The following TIMP3 variants were observed in gnomAD, a reference collection of about 807,000 sequenced individuals.
The protein encoded by TIMP3 is TIMP metallopeptidase inhibitor 3, also known as metalloproteinase inhibitor 3.
A neutral mutation model predicts 30.0 loss-of-function variants in TIMP3; 11 were observed. That is an observed-to-expected ratio of 0.37 (90% CI 0.23 to 0.61). The LOEUF (loss-of-function observed/expected upper bound fraction) is 0.61. TIMP3 is among the 20% of genes least tolerant of loss of function. TIMP3 has a pLI of 0.70. For missense variants in TIMP3, 181 were observed against 276.8 expected, an observed-to-expected ratio of 0.65 and a Z score of 2.45; for synonymous variants, 112 against 111.3, an observed-to-expected ratio of 1.01 and a Z score of -0.04.
intron 1 of TIMP3, among the ~76,000 whole-genome samples, chr22:32,811,033 T>A (rs1318519063): frequency 6.6e-6 from 1 of 152,158 alleles, no homozygotes. Flanking sequence ...AGTGAAATAC[T>A]TCATGGAATG....
intron 1 of TIMP3, among the ~76,000 whole-genome samples, chr22:32,819,694 T>C (rs1274791077): frequency 1.3e-5 from 2 of 152,034 alleles, no homozygotes; most frequent in Non-Finnish European, 2.9e-5. Context: ...GTAAGCACAC[T>C]CTAGGGGCCG....
intron 3 of TIMP3, 44 bp downstream of exon 3, chr22:32,857,404 C>T: frequency 3.4e-6 from 5 of 1,457,624 alleles, no homozygotes; most frequent in Non-Finnish European, 3.9e-6. Flanking sequence ...TGGCCAAGGT[C>T]CACTGTTTCT....
chr22:32,846,516 G>A (rs1388880800), intron 1 of TIMP3, among the ~76,000 whole-genome samples: 2 of 152,166 alleles, frequency 1.3e-5, no homozygotes, highest in Admixed American at 6.5e-5. Flanking sequence ...ACTACATACT[G>A]TTCTCAGCGC....
At chr22:32,812,005 G>A (rs912325838) in intron 1 of TIMP3, among the ~76,000 whole-genome samples, 1 of 152,204 alleles carries the variant, frequency 6.6e-6, no homozygotes, top group African/African-American at 2.4e-5. Flanking sequence ...TGGCATGGAG[G>A]AGGAGCACTG....
chr22:32,842,721 G>A (rs2047947657), intron 1 of TIMP3, among the ~76,000 whole-genome samples: 1 of 152,150 alleles, frequency 6.6e-6, no homozygotes, highest in African/African-American at 2.4e-5. Flanking sequence ...TGGTTTTGTG[G>A]TTTCTAAGTT....
chr22:32,832,443 T>G (rs1307733821), intron 1 of TIMP3, among the ~76,000 whole-genome samples: 1 of 151,452 alleles, frequency 6.6e-6, no homozygotes, highest in African/African-American at 2.4e-5. Flanking sequence ...CAAACTCACA[T>G]AGAAAATGAA....
At chr22:32,824,611 G>A (rs1418635802) in intron 1 of TIMP3, among the ~76,000 whole-genome samples, 9 of 152,142 alleles carry the variant, frequency 5.9e-5, no homozygotes, top group African/African-American at 1.7e-4. Context: ...ACTCAGGCTG[G>A]TTAGAGGCAT....
intron 1 of TIMP3, among the ~76,000 whole-genome samples, chr22:32,840,408 T>A (rs1240690059): frequency 6.6e-6 from 1 of 152,186 alleles, no homozygotes; most frequent in Non-Finnish European, 1.5e-5. Flanking sequence ...AGAAGGGCCC[T>A]GGGGGACCAG....
chr22:32,807,345 A>G (rs2046773239), intron 1 of TIMP3, among the ~76,000 whole-genome samples: 1 of 5,710 alleles, frequency 1.8e-4, no homozygotes, highest in Admixed American at 3.9e-3. Flanking sequence ...TATATAATAT[A>G]TAAATATATA....
At chr22:32,858,289 G>A in intron 4 of TIMP3, 151 bp downstream of exon 4, 1 of 1,134,434 alleles carries the variant, frequency 8.8e-7, no homozygotes, top group South Asian at 1.6e-5. Context: ...AGCAGATATA[G>A]TAAGGATTGT....
At chr22:32,824,509 A>G (rs1027474142) in intron 1 of TIMP3, among the ~76,000 whole-genome samples, 1 of 152,096 alleles carries the variant, frequency 6.6e-6, no homozygotes, top group Non-Finnish European at 1.5e-5. Flanking sequence ...AGCTCACTGA[A>G]GAATCAGGGG....
chr22:32,854,674 T>C (rs775904514), intron 2 of TIMP3, among the ~76,000 whole-genome samples: 15 of 152,136 alleles, frequency 9.9e-5, no homozygotes, highest in African/African-American at 1.7e-4. Context: ...ACCATTCACA[T>C]AGAAGAAGTC....
intron 1 of TIMP3, among the ~76,000 whole-genome samples, chr22:32,838,944 G>A (rs715572): frequency 0.18 from 27,098 of 151,088 alleles, 2,909 homozygotes; most frequent in East Asian, 0.32. Context: ...TAAAGAACAC[G>A]TGCTGGAAGA....
chr22:32,848,860 C>T (rs2146240766), intron 1 of TIMP3, among the ~76,000 whole-genome samples: 1 of 151,162 alleles, frequency 6.6e-6, no homozygotes, highest in East Asian at 1.9e-4. Flanking sequence ...TAACCACATC[C>T]CCATAGAGCT....
Position 32,859,391 on chromosome 22 carries a change from C to A in TIMP3, c.*14C>A. 1 of 1,604,098 alleles carries A rather than the reference C, an allele frequency of 6.2e-7. No homozygotes were observed. ...ACAGACCCCTGAGCGCCAGACCCTG[C>A]CCCACCTCACTTCCCTCCCTTCCCG... On this transcript the variant is annotated 3_prime_UTR_variant, in exon 5 of 5. Transcript: ENST00000266085.
At chr22:32,822,940 C>A (rs868116715) in intron 1 of TIMP3, among the ~76,000 whole-genome samples, 39 of 115,312 alleles carry the variant, frequency 3.4e-4, no homozygotes, top group Non-Finnish European at 4.5e-4. Flanking sequence ...AAAAAAAAAA[C>A]AGAGAGAGAG....
chr22:32,804,178 C>G (rs1028486196), intron 1 of TIMP3, among the ~76,000 whole-genome samples: 1 of 152,356 alleles, frequency 6.6e-6, no homozygotes, highest in Non-Finnish European at 1.5e-5. Flanking sequence ...ATCTTCGATG[C>G]TCTGGCACGG....
intron 1 of TIMP3, among the ~76,000 whole-genome samples, chr22:32,814,944 T>A (rs767051999): frequency 1.3e-5 from 2 of 152,232 alleles, no homozygotes; most frequent in Non-Finnish European, 2.9e-5. Flanking sequence ...ATGTATAAAA[T>A]ATGACCATTT....
At position 32,834,328 on chromosome 22, in the gene TIMP3, T is replaced by TA. The variant is rs1555977070; in HGVS notation, c.122-15124_122-15123insA. Reference sequence around the variant, plus strand: ...CCACCACATCTGGCTAATTTATTTTTTTTTTTGTATTTTTAGTAGAAACGG... The same window carrying TA: ...CCACCACATCTGGCTAATTTATTTTTATTTTTTGTATTTTTAGTAGAAACGG... On this transcript the variant is annotated intron_variant, in intron 1 of 4. Coordinates refer to ENST00000266085, the MANE Select transcript of TIMP3 (RefSeq NM_000362.5). 1.3e-3 allele frequency among the ~76,000 whole-genome samples: 201 copies of TA among 151,606 alleles called. 4 individuals are homozygous for TA. Among genetic ancestry groups the TA allele is most frequent in the Non-Finnish European group, 2.1e-3 (142 of 67,842 alleles).
Sources: allele counts gnomAD v4.1 joint callset (sites outside exome capture counted in the v4.1 genomes callset), GRCh38; gene constraint gnomAD v4.1.1; transcripts MANE v1.5; gene names NCBI Gene and HGNC (gene_info 2026-07-23, HGNC 2026-07-21).